The following PRIM2 variants were observed in gnomAD, a reference collection of about 807,000 sequenced individuals.
PRIM2 encodes DNA primase large subunit.
PRIM2 carries 39 observed loss-of-function variants against 67.3 expected under a neutral mutation model. The ratio of observed to expected loss-of-function variants is 0.58; its 90% CI spans 0.45 to 0.76. The LOEUF (loss-of-function observed/expected upper bound fraction) is 0.76, where lower values mean the gene tolerates loss of function less well. Ranked by LOEUF, PRIM2 falls within the 30% of genes least tolerant of loss-of-function variation. The pLI, the probability that PRIM2 is intolerant of heterozygous loss-of-function variation, is 0.00. For missense variants in PRIM2, 398 were observed against 598.7 expected (o/e 0.66, Z 3.50); for synonymous variants, 143 against 198.7 (o/e 0.72, Z 2.36).
At chr6:57,402,423 T>C (rs1770744480) in intron 7 of PRIM2, among the ~76,000 whole-genome samples, 1 of 152,140 alleles carries the variant, frequency 6.6e-6, no homozygotes, top group South Asian at 2.1e-4. Flanking sequence ...CTCTTTGTAG[T>C]GGGGGGAGCT....
At chr6:57,431,647 TAAAA>T (rs375204842) in intron 7 of PRIM2, among the ~76,000 whole-genome samples, 1 of 147,982 alleles carries the variant, frequency 6.8e-6, no homozygotes, top group Non-Finnish European at 1.5e-5. Flanking sequence ...ACCCTGCCTT[TAAAA>T]AAAAAAATGT....
intron 5 of PRIM2, among the ~76,000 whole-genome samples, chr6:57,356,092 T>C (rs112013462): frequency 1.7e-3 from 263 of 152,146 alleles, no homozygotes; most frequent in Middle Eastern, 0.014. Flanking sequence ...AGATCAAGGG[T>C]AGTAGGATGA....
chr6:57,252,238 T>C, the PRIM2 span, among the ~76,000 whole-genome samples: 6 of 152,368 alleles, frequency 3.9e-5, no homozygotes, highest in Admixed American at 1.3e-4. Context: ...GTCTACAGAA[T>C]GTGTCATTTA....
chr6:57,492,388 C>T (rs1554346042), intron 7 of PRIM2, among the ~76,000 whole-genome samples: 2 of 151,686 alleles, frequency 1.3e-5, no homozygotes, highest in East Asian at 3.9e-4. Context: ...ACTAAAAATA[C>T]AAAAATTAGC....
At chr6:57,268,233 T>C in the PRIM2 span, among the ~76,000 whole-genome samples, 1 of 152,178 alleles carries the variant, frequency 6.6e-6, no homozygotes, top group Non-Finnish European at 1.5e-5. Context: ...TTTGTTCCCT[T>C]CAAGTCAGGA....
At chr6:57,272,733 A>C in the PRIM2 span, among the ~76,000 whole-genome samples, 2 of 152,132 alleles carry the variant, frequency 1.3e-5, no homozygotes, top group African/African-American at 4.8e-5. Context: ...GGGGGCCTTT[A>C]CAATTTGGCA....
chr6:57,489,481 C>T (rs1046052163), intron 7 of PRIM2, among the ~76,000 whole-genome samples: 3 of 152,234 alleles, frequency 2.0e-5, no homozygotes, highest in East Asian at 1.9e-4. Flanking sequence ...GGCGTGAACC[C>T]GGGAGGCGGA....
At chr6:57,267,804 T>C in the PRIM2 span, among the ~76,000 whole-genome samples, 1 of 149,606 alleles carries the variant, frequency 6.7e-6, no homozygotes, top group African/African-American at 2.4e-5. Flanking sequence ...AAACCTGGCC[T>C]CAAATGACCC....
chr6:57,418,137 A>G (rs1771331758), intron 7 of PRIM2, among the ~76,000 whole-genome samples: 1 of 152,158 alleles, frequency 6.6e-6, no homozygotes, highest in Non-Finnish European at 1.5e-5. Flanking sequence ...AGGTACTTAT[A>G]AAGAAGAAGG....
At chr6:57,224,636 GAA>G in the PRIM2 span, among the ~76,000 whole-genome samples, 1 of 142,340 alleles carries the variant, frequency 7.0e-6, no homozygotes, top group Admixed American at 7.0e-5. Context: ...TTTTTAATGG[GAA>G]AAAAAAAAAA....
intron 7 of PRIM2, among the ~76,000 whole-genome samples, chr6:57,422,248 G>T (rs1180383424): frequency 1.5e-5 from 2 of 136,042 alleles, no homozygotes; most frequent in African/African-American, 5.4e-5. Context: ...TCTGCCTCCT[G>T]GATCAAGTAA....
intron 12 of PRIM2, among the ~76,000 whole-genome samples, chr6:57,617,852 A>T (rs1185811523): frequency 1.1e-4 from 16 of 152,332 alleles, no homozygotes; most frequent in African/African-American, 3.8e-4. Context: ...ATGGCTTTGT[A>T]TAAAAGTATT....
At chr6:57,312,797 A>G (rs1225265810), upstream of PRIM2, among the ~76,000 whole-genome samples, 1 of 152,146 alleles carries the variant, frequency 6.6e-6, no homozygotes, top group Non-Finnish European at 1.5e-5. Flanking sequence ...GACCGTCTAT[A>G]TATTTGTTTT....
chr6:57,597,262 G>A (rs1211210888), intron 10 of PRIM2, among the ~76,000 whole-genome samples: 3 of 152,090 alleles, frequency 2.0e-5, no homozygotes, highest in Non-Finnish European at 4.4e-5. Flanking sequence ...TTCCACAGAG[G>A]AAGTGACATT....
chr6:57,373,564 G>A (rs984506584), intron 5 of PRIM2, among the ~76,000 whole-genome samples: 1 of 151,942 alleles, frequency 6.6e-6, no homozygotes, highest in African/African-American at 2.4e-5. Context: ...CAATTCTGGG[G>A]TTTTCATAGT....
At chr6:57,377,371 T>A (rs575825748) in intron 5 of PRIM2, among the ~76,000 whole-genome samples, 2 of 152,100 alleles carry the variant, frequency 1.3e-5, no homozygotes, top group African/African-American at 4.8e-5. Flanking sequence ...ATTCATGGAG[T>A]CTCATTTCCT....
chr6:57,553,460 A>G (rs1179859924), intron 10 of PRIM2, among the ~76,000 whole-genome samples: 2 of 152,166 alleles, frequency 1.3e-5, no homozygotes, highest in Non-Finnish European at 2.9e-5. Context: ...GTGTATTTGA[A>G]TATAATGTTC....
At chr6:57,397,225 C>T (rs114315303) in intron 7 of PRIM2, among the ~76,000 whole-genome samples, 3,445 of 152,132 alleles carry the variant, frequency 0.023, 113 homozygotes, top group South Asian at 0.071. Context: ...CTAGCATTAC[C>T]GGGAAAGTTT....
intron 5 of PRIM2, among the ~76,000 whole-genome samples, chr6:57,337,762 A>C (rs1330308663): frequency 6.6e-6 from 1 of 152,354 alleles, no homozygotes; most frequent in Non-Finnish European, 1.5e-5. Flanking sequence ...AAAGCAGGAA[A>C]GATCCAAAGT....
Sources: gnomAD v4.1 joint callset for allele counts (sites outside exome capture counted in the v4.1 genomes callset) on GRCh38, gnomAD v4.1.1 for gene constraint, MANE v1.5 for transcripts, NCBI Gene and HGNC (gene_info 2026-07-23, HGNC 2026-07-21) for gene names.